SORBS3: variants seen among roughly 807,000 people sequenced by gnomAD.
The protein encoded by SORBS3 is sorbin and SH3 domain containing 3.
SORBS3 carries 69 observed loss-of-function variants against 98.0 expected under a neutral mutation model. The ratio of observed to expected loss-of-function variants is 0.70; its 90% CI spans 0.58 to 0.86. SORBS3 has a LOEUF of 0.86. Among genes scored for constraint, SORBS3 ranks in the 40% least tolerant of loss-of-function variants. SORBS3 has a pLI of 0.00. For missense variants in SORBS3, 954 were observed against 908.5 expected (o/e 1.05, Z -0.64); for synonymous variants, 394 against 355.4 (o/e 1.11, Z -1.22).
At chr8:22,571,313 A>G (rs1840578337) in intron 18 of SORBS3, 92 bp downstream of exon 18, 1 of 743,072 alleles carries the variant, frequency 1.3e-6, no homozygotes, top group Non-Finnish European at 2.2e-6. Flanking sequence ...ACTCCTTCCC[A>G]GACAGCCCTG....
At chr8:22,552,225 T>A (rs1373410659) in intron 1 of SORBS3, among the ~76,000 whole-genome samples, 1 of 152,164 alleles carries the variant, frequency 6.6e-6, no homozygotes, top group Non-Finnish European at 1.5e-5. Context: ...GAGAAATACC[T>A]GGGAAAGCTC....
chr8:22,557,730 T>C (rs1840213832), intron 4 of SORBS3, among the ~76,000 whole-genome samples: 1 of 152,180 alleles, frequency 6.6e-6, no homozygotes, highest in Admixed American at 6.5e-5. Flanking sequence ...GGATGATTGC[T>C]TGAGCCCAGG....
intron 7 of SORBS3, among the ~76,000 whole-genome samples, chr8:22,562,963 C>T (rs538822277): frequency 6.6e-6 from 1 of 152,026 alleles, no homozygotes; most frequent in Non-Finnish European, 1.5e-5. Flanking sequence ...AAAAACAATA[C>T]AAAAAATTAG....
rs1041976433 is a variant in SORBS3 at position 22,574,902 on chromosome 8, T to G, written c.*174T>G. On this transcript the variant is annotated 3_prime_UTR_variant, in exon 21 of 21. Transcript: ENST00000240123. ...CCCCCTCGAAGCCCCCTGGACTGAT[T>G]CCCACCCACGACTCACAGGCATTCC... The G allele has an allele frequency of 1.1e-5, 8 of 703,350 alleles. No homozygotes were observed. The highest frequency in any genetic ancestry group is 2.1e-5 in the Non-Finnish European group (8 of 387,556). 43.6% of individuals were successfully genotyped at this position (703,350 alleles called of 1,614,324 possible).
At chr8:22,551,093 T>C (rs1840072118), upstream of SORBS3, among the ~76,000 whole-genome samples, 1 of 152,178 alleles carries the variant, frequency 6.6e-6, no homozygotes, top group Non-Finnish European at 1.5e-5. This position sits in a 1 kb window ranked among gnomAD's most constrained non-coding sequence, Gnocchi z 5.8. Flanking sequence ...ACACAGTGTC[T>C]GGGAACACCA....
At position 22,574,856 on chromosome 8, in the gene SORBS3, C is replaced by T. The variant is rs772763639; in HGVS notation, c.*128C>T. The T allele has an allele frequency of 2.2e-6, 2 of 918,930 alleles. No individual in the cohort carries two copies. The highest frequency in any genetic ancestry group is 1.6e-5 in the African/African-American group (1 of 61,474). The allele number at this position is 918,930 out of a possible 1,614,324, so 56.9% of individuals were successfully genotyped here. On this transcript the variant is annotated 3_prime_UTR_variant, in exon 21 of 21. Transcript: ENST00000240123. ...GAGCTCCCAGCATCTGCAGACGACC[C>T]CCGCAGCCTTTCCCTCGGACCCCCC... is the stretch of plus-strand genomic sequence containing the variant.
chr8:22,546,926 G>A (rs962330640), intron 1 of SORBS3, among the ~76,000 whole-genome samples: 1 of 152,170 alleles, frequency 6.6e-6, no homozygotes, highest in Non-Finnish European at 1.5e-5. Flanking sequence ...AGAGGAAAGT[G>A]TGTCAGTGAG....
chr8:22,549,474 A>C (rs1840051259), upstream of SORBS3, among the ~76,000 whole-genome samples: 2 of 152,238 alleles, frequency 1.3e-5, no homozygotes, highest in South Asian at 2.1e-4. Flanking sequence ...TCCCCCCTTA[A>C]TCTACTTTTC....
intron 16 of SORBS3, among the ~76,000 whole-genome samples, chr8:22,568,778 C>G (rs1840490293): frequency 6.6e-6 from 1 of 152,198 alleles, no homozygotes; most frequent in African/African-American, 2.4e-5. Context: ...GGTGAATGCT[C>G]AGTTTTGGAA....
intron 7 of SORBS3, 31 bp from the exon 8 acceptor site, chr8:22,563,956 A>G: frequency 6.4e-7 from 1 of 1,557,612 alleles, no homozygotes. Flanking sequence ...CCCTAAAAGG[A>G]AGCTGAAGAG....
chr8:22,574,936 C>T lies in SORBS3; in HGVS notation c.*208C>T, dbSNP rs1229970651. On this transcript the variant is annotated 3_prime_UTR_variant, in exon 21 of 21. Coordinates refer to ENST00000240123, the MANE Select transcript of SORBS3 (RefSeq NM_005775.5). ...CGACTCACAGGCATTCCTCCCACAG[C>T]CCTTTCATTTCCTCCCCACCCCACT... The T allele has an allele frequency of 1.4e-6, 1 of 689,842 alleles. No homozygotes were observed. The highest frequency in any genetic ancestry group is 2.0e-5 in the Admixed American group (1 of 49,534). The allele number at this position is 689,842 out of a possible 1,614,324, so 42.7% of individuals were successfully genotyped here.
chr8:22,545,278 G>T, intron 1 of SORBS3: 1 of 152,406 alleles, frequency 6.6e-6, no homozygotes, highest in Non-Finnish European at 1.5e-5. Context: ...GCAGATGTGT[G>T]TAGAGGAAGA....
intron 16 of SORBS3, among the ~76,000 whole-genome samples, 161 bp from the exon 17 acceptor site, chr8:22,568,987 C>A (rs1840495878): frequency 6.6e-6 from 1 of 152,264 alleles, no homozygotes; most frequent in Non-Finnish European, 1.5e-5. Context: ...CACCCTTTGG[C>A]TGTGCCCACC....
intron 3 of SORBS3, among the ~76,000 whole-genome samples, chr8:22,555,875 A>G (rs1586890450): frequency 6.6e-6 from 1 of 152,128 alleles, no homozygotes; most frequent in East Asian, 1.9e-4. Context: ...ACAAAACAAA[A>G]CCAAAAAAAA....
chr8:22,554,700 T>C lies in SORBS3; in HGVS notation c.102+92T>C, dbSNP rs540209424. On this transcript the variant is annotated intron_variant, in intron 2 of 20. Coordinates refer to ENST00000240123, the MANE Select transcript of SORBS3 (RefSeq NM_005775.5). The surrounding 1 kb of genome is among the most constrained non-coding windows in gnomAD (Gnocchi z 6.5). ...GGTGGGGGCAGGAGGATGAAAGGGA[T>C]GGAGGGAGGGCTGAAGAGAGCTCTG... 1.7e-5 allele frequency: 24 copies of C among 1,440,874 alleles called. No homozygotes were observed. In the South Asian group the frequency reaches 2.6e-4, roughly 16 times the overall value. The allele number at this position is 1,440,874 out of a possible 1,614,324, so 89.3% of individuals were successfully genotyped here.
At chr8:22,565,652 C>G in intron 11 of SORBS3, 174 bp from the exon 12 acceptor site, 1 of 1,187,744 alleles carries the variant, frequency 8.4e-7, no homozygotes, top group African/African-American at 1.6e-5. Flanking sequence ...GGACCCCCGC[C>G]CCTTCCCCTA....
chr8:22,560,756 A>G (rs1268292074), intron 5 of SORBS3, among the ~76,000 whole-genome samples: 1 of 152,044 alleles, frequency 6.6e-6, no homozygotes, highest in African/African-American at 2.4e-5. Context: ...AGACAAATCC[A>G]GGAGTCAGAG....
upstream of SORBS3, among the ~76,000 whole-genome samples, chr8:22,551,124 C>G (rs768232965): frequency 3.3e-5 from 5 of 152,082 alleles, no homozygotes; most frequent in Non-Finnish European, 7.3e-5. The surrounding 1 kb of genome is among the most constrained non-coding windows in gnomAD (Gnocchi z 5.8). Flanking sequence ...AATCCCATCC[C>G]CGCCAAAGGG....
At chr8:22,566,569 C>T in intron 13 of SORBS3, 85 bp downstream of exon 13, 1 of 1,579,708 alleles carries the variant, frequency 6.3e-7, no homozygotes, top group Non-Finnish European at 8.6e-7. Flanking sequence ...GGTCACAGAG[C>T]CCCTTGCTTC....
Sources: allele counts gnomAD v4.1 joint callset (sites outside exome capture counted in the v4.1 genomes callset), GRCh38; gene constraint gnomAD v4.1.1; non-coding constraint Gnocchi (gnomAD v3.1); transcripts MANE v1.5; gene names NCBI Gene and HGNC (gene_info 2026-07-23, HGNC 2026-07-21).